The following PIP5K1B variants were observed in gnomAD, a reference collection of about 807,000 sequenced individuals.
PIP5K1B encodes phosphatidylinositol-4-phosphate 5-kinase type 1 beta, also known as phosphatidylinositol 4-phosphate 5-kinase type-1 beta.
In PIP5K1B, 42 loss-of-function variants were observed where a neutral mutation model predicts 67.0. The observed-to-expected ratio is 0.63, with a 90% CI of 0.49 to 0.81. The LOEUF is 0.81. PIP5K1B is among the 30% of genes least tolerant of loss of function. The probability of loss-of-function intolerance (pLI) is 0.00; values close to 1 mark genes in which losing one functional copy is unlikely to be tolerated. For synonymous variants in PIP5K1B, 214 were observed against 231.4 expected (o/e 0.92, Z 0.68); for missense variants, 459 against 646.3 (o/e 0.71, Z 3.14).
intron 1 of PIP5K1B, among the ~76,000 whole-genome samples, chr9:68,733,519 A>G (rs1828556219): frequency 6.6e-6 from 1 of 150,886 alleles, no homozygotes; most frequent in Non-Finnish European, 1.5e-5. Context: ...TGACATTTAG[A>G]TTTGGGGGAG....
intron 15 of PIP5K1B, among the ~76,000 whole-genome samples, chr9:68,994,516 A>G (rs1338288217): frequency 6.6e-6 from 1 of 152,210 alleles, no homozygotes; most frequent in Non-Finnish European, 1.5e-5. Context: ...AAAGATTCTC[A>G]CATCTGTTTC....
At chr9:68,791,216 C>T (rs1422290415) in intron 2 of PIP5K1B, among the ~76,000 whole-genome samples, 1 of 152,142 alleles carries the variant, frequency 6.6e-6, no homozygotes, top group East Asian at 1.9e-4. Flanking sequence ...TCCTGGGATT[C>T]GGCAATCCAT....
chr9:68,800,083 T>C (rs775659838), intron 2 of PIP5K1B, among the ~76,000 whole-genome samples: 26 of 152,128 alleles, frequency 1.7e-4, no homozygotes, highest in Non-Finnish European at 3.1e-4. Context: ...AGGACTTAAA[T>C]AGATATTTTT....
chr9:68,871,805 T>C (rs1475967462), intron 5 of PIP5K1B, among the ~76,000 whole-genome samples: 1 of 152,148 alleles, frequency 6.6e-6, no homozygotes, highest in Non-Finnish European at 1.5e-5. Flanking sequence ...GAAATTTTAC[T>C]GGCCCATGGG....
At chr9:68,812,371 C>T (rs976595231) in intron 2 of PIP5K1B, among the ~76,000 whole-genome samples, 2 of 152,048 alleles carry the variant, frequency 1.3e-5, no homozygotes, top group Non-Finnish European at 2.9e-5. Flanking sequence ...ATTATTTATT[C>T]CTTAAGGTCA....
chr9:68,957,430 T>C (rs1828459373), intron 14 of PIP5K1B, among the ~76,000 whole-genome samples: 1 of 152,058 alleles, frequency 6.6e-6, no homozygotes, highest in Non-Finnish European at 1.5e-5. Context: ...GATATCTTTT[T>C]TTCACCCATC....
intron 3 of PIP5K1B, among the ~76,000 whole-genome samples, chr9:68,822,109 A>G (rs948774105): frequency 1.3e-5 from 2 of 152,178 alleles, no homozygotes; most frequent in Non-Finnish European, 2.9e-5. Context: ...ATTTTTTGGT[A>G]CTTCCCAGAT....
chr9:68,756,226 A>G lies in PIP5K1B; in HGVS notation c.-86+13569A>G, dbSNP rs76686937. ...ATGTCTCCTTCTATTGTATAATATT[A>G]ATTCTAGAAACTTATAGCAGATCCA... is the stretch of plus-strand genomic sequence containing the variant. On this transcript the variant is annotated intron_variant, in intron 2 of 15. Transcript: ENST00000265382. Among the ~76,000 whole-genome samples the G allele has an allele frequency of 6.3e-3, 956 of 152,348 alleles. 9 individuals are homozygous for G. The highest frequency in any genetic ancestry group is 0.021 in the African/African-American group (886 of 41,588).
chr9:68,886,995 T>C (rs1345143285), intron 6 of PIP5K1B, among the ~76,000 whole-genome samples: 5 of 152,316 alleles, frequency 3.3e-5, no homozygotes, highest in Non-Finnish European at 5.9e-5. Context: ...TTGCATTTTC[T>C]CTTCCCTCTG....
At chr9:68,976,477 G>A (rs10781306) in intron 14 of PIP5K1B, among the ~76,000 whole-genome samples, 111,045 of 152,088 alleles carry the variant, frequency 0.73, 40,887 homozygotes, top group East Asian at 0.99. Context: ...TTAGTGCCAT[G>A]TTGCTACCAC....
intron 13 of PIP5K1B, among the ~76,000 whole-genome samples, chr9:68,935,376 G>A (rs1380464089): frequency 6.6e-6 from 1 of 152,146 alleles, no homozygotes; most frequent in Admixed American, 6.6e-5. Flanking sequence ...GCTGAGGCAT[G>A]AGAATCACTT....
chr9:68,918,784 T>C lies in PIP5K1B; in HGVS notation c.984-695T>C, dbSNP rs191965450. ...TAAATATTTTTTGAAAAGTTCTTTC[T>C]TGCAAATCGATCTAACTGTCCAATA... is the stretch of plus-strand genomic sequence containing the variant. On this transcript the variant is annotated intron_variant, in intron 9 of 15. Coordinates refer to ENST00000265382, the MANE Select transcript of PIP5K1B (RefSeq NM_003558.4). Among the ~76,000 whole-genome samples the C allele has an allele frequency of 3.3e-5, 5 of 152,376 alleles. No homozygotes were observed. The East Asian group carries it at 5.8e-4, about 18-fold the overall frequency.
intron 14 of PIP5K1B, among the ~76,000 whole-genome samples, chr9:68,979,652 T>G (rs754588460): frequency 2.0e-5 from 3 of 152,244 alleles, no homozygotes; most frequent in Non-Finnish European, 4.4e-5. Flanking sequence ...TTGTGGCTTC[T>G]GTCCTCACAA....
In PIP5K1B at chr9:68,705,606, C is replaced by G. The variant is rs1041123346; in HGVS notation, c.-399C>G. 2 of 144,262 alleles carry G rather than the reference C, an allele frequency of 1.4e-5. 1 individual carries two copies. Among genetic ancestry groups the G allele is most frequent in the Non-Finnish European group, 3.1e-5 (2 of 64,646 alleles). The allele number at this position is 144,262 out of a possible 1,614,324, so 8.9% of individuals were successfully genotyped here. A position where few individuals can be genotyped will look rare whatever the true frequency, so the allele number is the denominator to read the frequency against. ...GCGTTGCCCCCGGCCCCGGCCCCGCCCGCCGCCCCCTCCGCCCTCCCGCCC... is the reference window on the plus strand; with the variant it reads ...GCGTTGCCCCCGGCCCCGGCCCCGCGCGCCGCCCCCTCCGCCCTCCCGCCC... On this transcript the variant is annotated 5_prime_UTR_variant, in exon 1 of 16. Coordinates refer to ENST00000265382, the MANE Select transcript of PIP5K1B (RefSeq NM_003558.4).
chr9:68,938,170 G>A (rs996766422), intron 13 of PIP5K1B, among the ~76,000 whole-genome samples: 1 of 152,104 alleles, frequency 6.6e-6, no homozygotes, highest in African/African-American at 2.4e-5. Context: ...TTTCTGTCTC[G>A]TTGATCTGTC....
At chr9:68,852,569 C>G (rs574566057) in intron 4 of PIP5K1B, among the ~76,000 whole-genome samples, 42 of 152,312 alleles carry the variant, frequency 2.8e-4, no homozygotes, top group African/African-American at 9.6e-4. Flanking sequence ...CCAAACCCAA[C>G]TAGAAGCCAG....
Position 69,008,555 on chromosome 9 carries a change from T to A in PIP5K1B, c.*106T>A, listed in dbSNP as rs1467171916. Reference sequence around the variant, plus strand: ...CCACAGCAACTTGGCTGAGCCCCACTACACACAGAGAAATCATCAACCTGA... The same window carrying A: ...CCACAGCAACTTGGCTGAGCCCCACAACACACAGAGAAATCATCAACCTGA... On this transcript the variant is annotated 3_prime_UTR_variant, in exon 16 of 16. Transcript: ENST00000265382. 5.6e-6 allele frequency: 6 copies of A among 1,062,918 alleles called. No individual in the cohort carries two copies. The highest frequency in any genetic ancestry group is 4.4e-6 in the Non-Finnish European group (3 of 679,828). The allele number at this position is 1,062,918 out of a possible 1,614,324, so 65.8% of individuals were successfully genotyped here.
At position 68,835,208 on chromosome 9, in the gene PIP5K1B, TC is replaced by T. The variant is rs1197492093; in HGVS notation, c.69+12526del. On this transcript the variant is annotated intron_variant, in intron 4 of 15. Transcript: ENST00000265382. ...AAAATCAACTGTATCCCTCTCAAAA[TC>T]ATAGAGGAGTGTAGACTTTATAGCT... 2.6e-5 allele frequency among the ~76,000 whole-genome samples: 4 copies of T among 152,322 alleles called. No individual in the cohort carries two copies. The East Asian group carries it at 7.7e-4, about 29-fold the overall frequency.
chr9:68,856,706 C>T (rs1462824575), intron 4 of PIP5K1B, among the ~76,000 whole-genome samples: 1 of 152,234 alleles, frequency 6.6e-6, no homozygotes, highest in Non-Finnish European at 1.5e-5. Context: ...CTGGCTCATA[C>T]TAAGTGCTCA....
Sources: gnomAD v4.1 joint callset for allele counts (sites outside exome capture counted in the v4.1 genomes callset) on GRCh38, gnomAD v4.1.1 for gene constraint, MANE v1.5 for transcripts, NCBI Gene and HGNC (gene_info 2026-07-23, HGNC 2026-07-21) for gene names.